The following AP3B1 variants were observed in gnomAD, a reference collection of about 807,000 sequenced individuals.
AP3B1 encodes adaptor related protein complex 3 subunit beta 1, also known as AP-3 complex subunit beta-1.
A neutral mutation model predicts 132.5 loss-of-function variants in AP3B1; 61 were observed. That is an observed-to-expected ratio of 0.46 (90% confidence interval 0.37 to 0.57). AP3B1 has a LOEUF of 0.57. Ranked by LOEUF, AP3B1 falls within the 20% of genes least tolerant of loss-of-function variation. AP3B1 has a pLI of 0.00. For synonymous variants in AP3B1, 388 were observed against 438.3 expected, an observed-to-expected ratio of 0.89 and a Z score of 1.43; for missense variants, 1,120 against 1,289.4, an observed-to-expected ratio of 0.87 and a Z score of 2.01.
intron 7 of AP3B1, among the ~76,000 whole-genome samples, chr5:78,200,051 C>T (rs1166122395): frequency 6.6e-6 from 1 of 151,884 alleles, no homozygotes; most frequent in African/African-American, 2.4e-5. Flanking sequence ...ATCTGTTTGC[C>T]TTTGGAGAGT....
At chr5:78,244,480 T>A (rs1747287763) in intron 2 of AP3B1, among the ~76,000 whole-genome samples, 1 of 151,928 alleles carries the variant, frequency 6.6e-6, no homozygotes, top group Non-Finnish European at 1.5e-5. Flanking sequence ...CCATTTACTA[T>A]GATGAGAAAG....
intron 7 of AP3B1, among the ~76,000 whole-genome samples, chr5:78,199,685 T>C (rs1745214820): frequency 6.6e-6 from 1 of 152,180 alleles, no homozygotes; most frequent in Non-Finnish European, 1.5e-5. Flanking sequence ...TTTTACAATA[T>C]TTGTGGACAA....
intron 13 of AP3B1, among the ~76,000 whole-genome samples, chr5:78,157,361 T>C (rs1743195410): frequency 6.6e-6 from 1 of 152,076 alleles, no homozygotes; most frequent in Admixed American, 6.5e-5. Flanking sequence ...TTAATTCACT[T>C]CAATCATCCC....
chr5:78,044,871 A>G (rs1232175703), intron 22 of AP3B1, among the ~76,000 whole-genome samples: 1 of 152,242 alleles, frequency 6.6e-6, no homozygotes, highest in Non-Finnish European at 1.5e-5. Context: ...AAAGAAAAAC[A>G]GTATAATTCT....
intron 2 of AP3B1, among the ~76,000 whole-genome samples, chr5:78,248,875 T>C (rs1747497823): frequency 6.6e-6 from 1 of 152,232 alleles, no homozygotes; most frequent in East Asian, 1.9e-4. Flanking sequence ...TCCACTCTCT[T>C]CTGGCTGCCA....
chr5:78,206,847 C>T lies in AP3B1; in HGVS notation c.786+9208G>A, dbSNP rs146390327. On this transcript the variant is annotated intron_variant, in intron 7 of 26. Transcript: ENST00000255194. ...TCAAAAAGACAAAAATGTGGCCTAG[C>T]ATAGTGGCTCACGCCTGTAATCCCA... Among the ~76,000 whole-genome samples, 466 of 152,304 alleles carry T rather than the reference C, an allele frequency of 3.1e-3. 4 individuals carry two copies. The highest frequency in any genetic ancestry group is 0.011 in the African/African-American group (444 of 41,554).
At chr5:78,072,012 T>C (rs1472787036) in intron 22 of AP3B1, among the ~76,000 whole-genome samples, 1 of 152,226 alleles carries the variant, frequency 6.6e-6, no homozygotes, top group Non-Finnish European at 1.5e-5. Flanking sequence ...CTATGAAGCA[T>C]GAATGTCAAA....
At chr5:78,194,093 A>G (rs1744986007) in intron 7 of AP3B1, among the ~76,000 whole-genome samples, 1 of 152,058 alleles carries the variant, frequency 6.6e-6, no homozygotes, top group African/African-American at 2.4e-5. Context: ...CTAGACATTG[A>G]TATTAGGCAG....
intron 3 of AP3B1, 92 bp from the exon 4 acceptor site, chr5:78,228,331 T>C (rs1746487064): frequency 1.3e-6 from 1 of 781,564 alleles, no homozygotes; most frequent in Non-Finnish European, 2.1e-6. Context: ...TCTTCTCAAG[T>C]AAATAACTGA....
At chr5:78,018,671 A>AAC (rs3050070) in intron 25 of AP3B1, among the ~76,000 whole-genome samples, 14,638 of 146,584 alleles carry the variant, frequency 0.1, 869 homozygotes, top group African/African-American at 0.17. Flanking sequence ...AAGCTGGTGT[A>AAC]ACACACACAC....
rs551928372 is a variant in AP3B1 at position 78,216,157 on chromosome 5, C to T, written c.684G>A (p.Lys228=). The change falls in exon 7 of 27, where the codon AAG becomes AAA. Residue 228 remains lysine, a synonymous_variant. Transcript: ENST00000255194. ...CAACATCCACTAGTAAGTTACATAG[C>T]TTGCGGTAATTTTTATGAATCAGAT... ...RIDLIHKNYR[K]LCNLLVDVEE... is the part of the protein sequence containing the mutation. The T allele has an allele frequency of 6.2e-7, 1 of 1,614,028 alleles. No individual in the cohort carries two copies. The highest frequency in any genetic ancestry group is 1.1e-5 in the South Asian group (1 of 91,086).
rs191751942 is a variant in AP3B1, at chr5:78,261,692, C to T, written c.204+5828G>A. 1.2e-3 allele frequency among the ~76,000 whole-genome samples: 183 copies of T among 151,428 alleles called. No homozygotes were observed. In the Middle Eastern group the frequency reaches 0.038, roughly 31 times the overall value. On this transcript the variant is annotated intron_variant, in intron 2 of 26. Coordinates refer to ENST00000255194, the MANE Select transcript of AP3B1 (RefSeq NM_003664.5). Reference sequence around the variant, plus strand: ...TGTTGACCAGGCTGGTCTCGAACTCCTGACCTCACGTGATCTGCCCACCTC... The same window carrying T: ...TGTTGACCAGGCTGGTCTCGAACTCTTGACCTCACGTGATCTGCCCACCTC...
chr5:78,293,245 T>C (rs1441153098), intron 1 of AP3B1, among the ~76,000 whole-genome samples: 1 of 152,178 alleles, frequency 6.6e-6, no homozygotes. Flanking sequence ...TAAATTAATT[T>C]GCGAAACAGA....
At chr5:78,185,654 T>C (rs1744574485) in intron 7 of AP3B1, among the ~76,000 whole-genome samples, 1 of 151,930 alleles carries the variant, frequency 6.6e-6, no homozygotes, top group South Asian at 2.1e-4. Flanking sequence ...AGGCCAGGAG[T>C]TCTAGACCAG....
chr5:78,096,914 G>T (rs1213351746), intron 21 of AP3B1, among the ~76,000 whole-genome samples: 1 of 142,976 alleles, frequency 7.0e-6, no homozygotes, highest in East Asian at 2.2e-4. Context: ...CCGGCCAGCC[G>T]CCCTGTCCGG....
intron 8 of AP3B1, among the ~76,000 whole-genome samples, chr5:78,179,135 T>C (rs1033094475): frequency 6.6e-6 from 1 of 152,204 alleles, no homozygotes; most frequent in Non-Finnish European, 1.5e-5. Flanking sequence ...TCTCAATTAA[T>C]GATTGACCTA....
intron 15 of AP3B1, among the ~76,000 whole-genome samples, chr5:78,136,120 G>C (rs894411734): frequency 6.6e-6 from 1 of 151,860 alleles, no homozygotes; most frequent in Non-Finnish European, 1.5e-5. Context: ...TACACTTTTT[G>C]TCAGTAACTA....
At chr5:78,147,552 AT>A (rs932876660) in intron 14 of AP3B1, among the ~76,000 whole-genome samples, 67 of 150,298 alleles carry the variant, frequency 4.5e-4, no homozygotes, top group African/African-American at 1.5e-3. Context: ...TTTCTTTCTT[AT>A]TTTTTTTCTG....
intron 7 of AP3B1, among the ~76,000 whole-genome samples, chr5:78,211,021 G>A (rs1745713750): frequency 6.6e-6 from 1 of 151,948 alleles, no homozygotes; most frequent in African/African-American, 2.4e-5. Context: ...CAAAGAGTAA[G>A]GTAAATTTAA....
Sources: allele counts gnomAD v4.1 joint callset (sites outside exome capture counted in the v4.1 genomes callset), GRCh38; gene constraint gnomAD v4.1.1; transcripts MANE v1.5; gene names NCBI Gene and HGNC (gene_info 2026-07-23, HGNC 2026-07-21).